CNTN1: variants seen among roughly 807,000 people sequenced by gnomAD.
The protein encoded by CNTN1 is contactin-1.
In CNTN1, 38 loss-of-function variants were observed where a neutral mutation model predicts 126.4. The observed-to-expected ratio is 0.30, with a 90% CI of 0.23 to 0.39. The LOEUF (loss-of-function observed/expected upper bound fraction) is 0.39, where lower values mean the gene tolerates loss of function less well. Among genes scored for constraint, CNTN1 ranks in the 10% least tolerant of loss-of-function variants. The pLI is 1.00. For missense variants in CNTN1, 1,009 were observed against 1,248.4 expected, an observed-to-expected ratio of 0.81 and a Z score of 2.89; for synonymous variants, 413 against 422.6, an observed-to-expected ratio of 0.98 and a Z score of 0.28.
chr12:40,969,886 G>A (rs190425991), intron 15 of CNTN1, among the ~76,000 whole-genome samples: 1 of 152,196 alleles, frequency 6.6e-6, no homozygotes, highest in East Asian at 1.9e-4. Context: ...AATTACTTGT[G>A]ACACACCAGA....
At position 40,929,891 on chromosome 12, in the gene CNTN1, A is replaced by T; in HGVS notation, c.592A>T (p.Ile198Phe). Residue 198 changes from isoleucine to phenylalanine, a missense_variant, in exon 7 of 24, where the codon ATT becomes TTT. By Grantham distance (21) the Ile-to-Phe change is conservative. Transcript: ENST00000551295. ...GTCTCAGACAAATGGCAATCTCTAC[A>T]TTGCAAATGTTGAGGCTTCCGACAA... ...FVSQTNGNLY[I>F]ANVEASDKGN... 3 of 1,612,888 alleles carry T rather than the reference A, an allele frequency of 1.9e-6. No homozygotes were observed. The highest frequency in any genetic ancestry group is 2.5e-6 in the Non-Finnish European group (3 of 1,179,126).
intron 1 of CNTN1, among the ~76,000 whole-genome samples, chr12:40,806,571 G>T (rs758095070): frequency 4.1e-4 from 62 of 152,056 alleles, no homozygotes; most frequent in Non-Finnish European, 3.4e-4. Flanking sequence ...GGGCTCTCTG[G>T]TCTCCTTCCC....
At chr12:41,059,400 A>C (rs913431447) in intron 23 of CNTN1, among the ~76,000 whole-genome samples, 8 of 152,182 alleles carry the variant, frequency 5.3e-5, no homozygotes, top group Non-Finnish European at 1.5e-5. Flanking sequence ...TGTCATTGCT[A>C]TTGAGGCTTT....
intron 15 of CNTN1, among the ~76,000 whole-genome samples, 185 bp downstream of exon 15, chr12:40,959,419 C>T (rs1444114766): frequency 6.6e-6 from 1 of 152,044 alleles, no homozygotes. Flanking sequence ...TAGTAAACAA[C>T]ACTGATTTTG....
At chr12:40,727,005 G>T (rs1474302238) in intron 1 of CNTN1, among the ~76,000 whole-genome samples, 1 of 148,996 alleles carries the variant, frequency 6.7e-6, no homozygotes, top group Non-Finnish European at 1.5e-5. Context: ...TTTATTATTA[G>T]AATTTAAAAA....
intron 18 of CNTN1, among the ~76,000 whole-genome samples, chr12:41,015,180 T>A (rs1023431213): frequency 5.1e-5 from 5 of 97,366 alleles, no homozygotes; most frequent in Non-Finnish European, 1.0e-4. Context: ...TTAAATCACA[T>A]TTTAAAGCAA....
intron 16 of CNTN1, among the ~76,000 whole-genome samples, chr12:40,989,296 T>C (rs998856309): frequency 1.3e-5 from 2 of 152,162 alleles, no homozygotes; most frequent in Non-Finnish European, 2.9e-5. Context: ...ATGAAGACAT[T>C]TAGGGCTCAC....
chr12:41,061,742 T>C (rs1344088890), intron 23 of CNTN1: 1 of 455,262 alleles, frequency 2.2e-6, no homozygotes. Flanking sequence ...CTTATAACAT[T>C]AAACCCTATC....
chr12:41,020,470 AT>A, intron 20 of CNTN1, 30 bp downstream of exon 20: 1 of 1,352,070 alleles, frequency 7.4e-7, no homozygotes, highest in Non-Finnish European at 1.1e-6. Flanking sequence ...AACTAAATAC[AT>A]TTATTCATAA....
intron 1 of CNTN1, among the ~76,000 whole-genome samples, chr12:40,693,040 C>T (rs548294138): frequency 1.1e-3 from 164 of 152,326 alleles, no homozygotes; most frequent in South Asian, 2.3e-3. Flanking sequence ...CACCTGGGCG[C>T]CTGGCTAGCG....
chr12:40,770,136 A>T (rs117518701), intron 1 of CNTN1, among the ~76,000 whole-genome samples: 2,328 of 152,256 alleles, frequency 0.015, 24 homozygotes, highest in Non-Finnish European at 0.025. Context: ...ATACTACCAA[A>T]TCCCTCTTTA....
rs1422524143 is a variant in CNTN1 at position 40,960,895 on chromosome 12, T to C, written c.1804+1661T>C. On this transcript the variant is annotated intron_variant, in intron 15 of 23. Coordinates refer to ENST00000551295, the MANE Select transcript of CNTN1 (RefSeq NM_001843.4). ...CATATGAAAATAATTAGCATTAATA[T>C]TGCAATAGGAGTTATGTTACAGTGT... 2.0e-5 allele frequency among the ~76,000 whole-genome samples: 3 copies of C among 152,062 alleles called. No homozygotes were observed. In the East Asian group the frequency reaches 5.8e-4, roughly 29 times the overall value.
chr12:40,863,338 C>A (rs1204423835), intron 1 of CNTN1, among the ~76,000 whole-genome samples: 1 of 152,022 alleles, frequency 6.6e-6, no homozygotes, highest in Non-Finnish European at 1.5e-5. Context: ...ATTTATAATT[C>A]TAATTCTAAA....
intron 1 of CNTN1, among the ~76,000 whole-genome samples, chr12:40,863,926 T>TCCTTCCTTCCTCTCTC (rs760801289): frequency 7.7e-6 from 1 of 129,096 alleles, no homozygotes; most frequent in African/African-American, 3.8e-5. Flanking sequence ...CTTCCTTCCT[T>TCCTTCCTTCCTCTCTC]CCTCCCTCCC....
intron 1 of CNTN1, among the ~76,000 whole-genome samples, chr12:40,744,408 C>A (rs1938093636): frequency 6.6e-6 from 1 of 151,934 alleles, no homozygotes; most frequent in Non-Finnish European, 1.5e-5. Flanking sequence ...AATGGAATAG[C>A]CTGCATTTGG....
At chr12:41,008,774 T>C (rs1281781105) in intron 17 of CNTN1, among the ~76,000 whole-genome samples, 1 of 152,138 alleles carries the variant, frequency 6.6e-6, no homozygotes, top group African/African-American at 2.4e-5. Flanking sequence ...TTTAAACAAC[T>C]AGCTATTTTC....
intron 1 of CNTN1, chr12:40,728,743 A>T (rs1942420806): frequency 6.6e-6 from 1 of 152,158 alleles, no homozygotes; most frequent in African/African-American, 2.4e-5. Context: ...AAAAGTACAT[A>T]TAAAATGATG....
In CNTN1 at chr12:40,759,774, A is replaced by ATTTTTTTTTTTTTTTT. The variant is rs33992864; in HGVS notation, c.-77+67186_-77+67201dup. ...GTGAGCCACCTCACTTGGCCCAGATATTTTTTTTTTTTTTTTTTTCAAAAA... is the reference window on the plus strand; with the variant it reads ...GTGAGCCACCTCACTTGGCCCAGATATTTTTTTTTTTTTTTTTTTTTTTTTTTTTTTTTTTCAAAAA... On this transcript the variant is annotated intron_variant, in intron 1 of 23. Coordinates refer to ENST00000551295, the MANE Select transcript of CNTN1 (RefSeq NM_001843.4). 5.9e-4 allele frequency among the ~76,000 whole-genome samples: 79 copies of ATTTTTTTTTTTTTTTT among 133,552 alleles called. 2 individuals are homozygous for ATTTTTTTTTTTTTTTT. The highest frequency in any genetic ancestry group is 2.0e-3 in the African/African-American group (71 of 35,630). The allele number at this position is 133,552 out of a possible 152,430, so 87.6% of individuals were successfully genotyped here. A position where few individuals can be genotyped will look rare whatever the true frequency, so the allele number is the denominator to read the frequency against.
At chr12:40,957,356 C>T (rs1474352246) in intron 14 of CNTN1, among the ~76,000 whole-genome samples, 1 of 151,562 alleles carries the variant, frequency 6.6e-6, no homozygotes, top group Non-Finnish European at 1.5e-5. Flanking sequence ...GTGAAGGTTA[C>T]TGGGAAATTC....
Sources: gnomAD v4.1 joint callset for allele counts (sites outside exome capture counted in the v4.1 genomes callset) on GRCh38, gnomAD v4.1.1 for gene constraint, MANE v1.5 for transcripts, NCBI Gene and HGNC (gene_info 2026-07-23, HGNC 2026-07-21) for gene names.